Variants in BACE1 observed in about 807,000 individuals in gnomAD.
The protein encoded by BACE1 is APP beta-secretase.
A neutral mutation model predicts 54.0 loss-of-function variants in BACE1; 21 were observed. The observed-to-expected ratio is 0.39, with a 90% CI of 0.28 to 0.56. BACE1 has a LOEUF of 0.56. Ranked by LOEUF, BACE1 falls within the 20% of genes least tolerant of loss-of-function variation. The pLI, the probability that BACE1 is intolerant of heterozygous loss-of-function variation, is 0.63. For synonymous variants in BACE1, 232 were observed against 260.9 expected, an observed-to-expected ratio of 0.89 and a Z score of 1.07; for missense variants, 511 against 661.2, an observed-to-expected ratio of 0.77 and a Z score of 2.49.
intron 1 of BACE1, among the ~76,000 whole-genome samples, chr11:117,306,963 G>A (rs1013274272): frequency 1.3e-4 from 20 of 152,200 alleles, no homozygotes; most frequent in African/African-American, 4.6e-4. Flanking sequence ...GTTGGCATGG[G>A]AGGAGGCAGA....
Position 117,291,665 on chromosome 11 carries a change from C to T in BACE1, c.942+47G>A, listed in dbSNP as rs150090942. The T allele has an allele frequency of 4.1e-4, 573 of 1,393,710 alleles. 2 individuals carry two copies. In the African/African-American group the frequency reaches 7.3e-3, roughly 18 times the overall value. The allele number at this position is 1,393,710 out of a possible 1,614,324, so 86.3% of individuals were successfully genotyped here. ...GAAGAATGTGACTCTCACCGCCTCCCTCTGACACTGTACCATCTCTTTTAC... is the reference window on the plus strand; with the variant it reads ...GAAGAATGTGACTCTCACCGCCTCCTTCTGACACTGTACCATCTCTTTTAC... On this transcript the variant is annotated intron_variant, in intron 6 of 8. Coordinates refer to ENST00000313005, the MANE Select transcript of BACE1 (RefSeq NM_012104.6).
rs997611644 is a variant in BACE1, at chr11:117,291,759, T to G, written c.895A>C (p.Lys299Gln). Residue 299 changes from lysine (K) to glutamine (Q), a missense_variant, in exon 6 of 9, where the codon AAG becomes CAG. Lys to Gln is a moderately conservative substitution (Grantham distance 53). Transcript: ENST00000313005. ...DSGTTNLRLP[K>Q]KVFEAAVKSI... Reference sequence around the variant, plus strand: ...TTGACTGCAGCTTCAAACACTTTCTTGGGCAAACGAAGGTTGGTGGTGCCA... The same window carrying G: ...TTGACTGCAGCTTCAAACACTTTCTGGGGCAAACGAAGGTTGGTGGTGCCA... 3.7e-6 allele frequency: 6 copies of G among 1,613,662 alleles called. No individual in the cohort carries two copies. Among genetic ancestry groups the G allele is most frequent in the Non-Finnish European group, 5.1e-6 (6 of 1,179,686 alleles).
intron 1 of BACE1, among the ~76,000 whole-genome samples, chr11:117,311,537 C>A (rs530909930): frequency 6.6e-6 from 1 of 152,288 alleles, no homozygotes; most frequent in African/African-American, 2.4e-5. Context: ...CTTCCTTTCT[C>A]TTTCCATCTT....
At position 117,315,759 on chromosome 11, in the gene BACE1, C is replaced by A; in HGVS notation, c.37G>T (p.Gly13Cys). The stretch of plus-strand genomic sequence containing the variant: ...CCGTGGGCAGGCAGCACTCCCGCGC[C>A]CATCCACAGCAGGAGCCAGGGCAGG... ...QALPWLLLWM[G>C]AGVLPAHGTQ... The change falls in exon 1 of 9, where the codon GGC becomes TGC. Residue 13 changes from glycine to cysteine, a missense_variant. Physicochemically the swap from Gly to Cys is radical, Grantham distance 159 (BLOSUM62 -3). Transcript: ENST00000313005. This position sits in a 1 kb window ranked among gnomAD's most constrained non-coding sequence, Gnocchi z 5.5. 1 of 1,462,372 alleles carries A rather than the reference C, an allele frequency of 6.8e-7. No homozygotes were observed. Among genetic ancestry groups the A allele is most frequent in the Admixed American group, 2.8e-5 (1 of 36,190 alleles). The allele number at this position is 1,462,372 out of a possible 1,614,324, so 90.6% of individuals were successfully genotyped here.
chr11:117,293,031 A>G lies in BACE1; in HGVS notation c.840+23T>C. 1 of 1,612,334 alleles carries G rather than the reference A, an allele frequency of 6.2e-7. No individual in the cohort carries two copies. The highest frequency in any genetic ancestry group is 8.5e-7 in the Non-Finnish European group (1 of 1,179,134). On this transcript the variant is annotated intron_variant, in intron 5 of 8. Transcript: ENST00000313005. The surrounding 1 kb of genome is among the most constrained non-coding windows in gnomAD (Gnocchi z 4.1). The stretch of plus-strand genomic sequence containing the variant: ...GTACTGCCTACCCCCTTATGTTCCC[A>G]GGCTCTCCCTTGGTTTTCTTACCTC...
Position 117,293,226 on chromosome 11 carries a change from CAGA to C in BACE1, c.706-41_706-39del, listed in dbSNP as rs1565358312. 1 of 1,608,690 alleles carries C rather than the reference CAGA, an allele frequency of 6.2e-7. No individual in the cohort carries two copies. Among genetic ancestry groups the C allele is most frequent in the Non-Finnish European group, 8.5e-7 (1 of 1,177,670 alleles). ...AGAGGCAGGTACCCGTGTCCTGGCA[CAGA>C]AGGAGAGTGAGTCCCCCAAGGACCA... On this transcript the variant is annotated intron_variant, in intron 4 of 8. Coordinates refer to ENST00000313005, the MANE Select transcript of BACE1 (RefSeq NM_012104.6). This position sits in a 1 kb window ranked among gnomAD's most constrained non-coding sequence, Gnocchi z 4.1.
chr11:117,289,456 G>A lies in BACE1; in HGVS notation c.*110C>T, dbSNP rs939456229. 1 of 1,475,916 alleles carries A rather than the reference G, an allele frequency of 6.8e-7. No individual in the cohort carries two copies. Among genetic ancestry groups the A allele is most frequent in the African/African-American group, 1.4e-5 (1 of 71,252 alleles). 91.4% of individuals were successfully genotyped at this position (1,475,916 alleles called of 1,614,324 possible). On this transcript the variant is annotated 3_prime_UTR_variant, in exon 9 of 9. Coordinates refer to ENST00000313005, the MANE Select transcript of BACE1 (RefSeq NM_012104.6). Reference sequence around the variant, plus strand: ...GCAGAGGCATTTGGTGGGTGGGGAGGGTCCTGAGGTGCTCTGGCCACAGGT... The same window carrying A: ...GCAGAGGCATTTGGTGGGTGGGGAGAGTCCTGAGGTGCTCTGGCCACAGGT...
rs2035118484 is a variant in BACE1, at chr11:117,316,172, T to G, written c.-377A>C. The G allele has an allele frequency of 7.5e-6, 3 of 400,074 alleles. No homozygotes were observed. Among genetic ancestry groups the G allele is most frequent in the Non-Finnish European group, 1.3e-5 (3 of 227,046 alleles). 24.8% of individuals were successfully genotyped at this position (400,074 alleles called of 1,614,324 possible). ...GGCAGGGGCAAGGGCTCCGGGCTCC[T>G]GCGGCTGCGTTGGCTGCTCAGGCCA... On this transcript the variant is annotated 5_prime_UTR_variant, in exon 1 of 9. Coordinates refer to ENST00000313005, the MANE Select transcript of BACE1 (RefSeq NM_012104.6).
In BACE1 at chr11:117,293,074, G is replaced by C. The variant is rs978679563; in HGVS notation, c.820C>G (p.Leu274Val). 6.8e-6 allele frequency: 11 copies of C among 1,613,802 alleles called. No homozygotes were observed. In the African/African-American group the frequency reaches 1.3e-4, roughly 20 times the overall value. Residue 274 changes from leucine to valine, a missense_variant, in exon 5 of 9, where the codon CTG becomes GTG. Transcript: ENST00000313005. This position sits in a 1 kb window ranked among gnomAD's most constrained non-coding sequence, Gnocchi z 4.1. ...CTTACCTCCTTGCAGTCCATTTTCA[G>C]ATCCTGTCCATTGATCTCCACCCGC... ...IVRVEINGQDLKMDCKEYNYD... is the reference protein window; with the variant it reads ...IVRVEINGQDVKMDCKEYNYD...
Position 117,288,526 on chromosome 11 carries a change from G to A in BACE1, c.*1040C>T, listed in dbSNP as rs2034324570. On this transcript the variant is annotated 3_prime_UTR_variant, in exon 9 of 9. Coordinates refer to ENST00000313005, the MANE Select transcript of BACE1 (RefSeq NM_012104.6). ...TTCCTTTTAGCACCTTGGCTGCAAA[G>A]CTCCAGAGGAAGATTTGGGGGAAAG... is the stretch of plus-strand genomic sequence containing the variant. 6.6e-6 allele frequency: 1 copy of A among 152,660 alleles called. No homozygotes were observed. The highest frequency in any genetic ancestry group is 2.4e-5 in the African/African-American group (1 of 41,452). 9.5% of individuals were successfully genotyped at this position (152,660 alleles called of 1,614,324 possible).
intron 3 of BACE1, 63 bp from the exon 4 acceptor site, chr11:117,294,071 T>C (rs1316912881): frequency 5.8e-6 from 9 of 1,548,418 alleles, no homozygotes; most frequent in Non-Finnish European, 7.9e-6. Flanking sequence ...GCCAGCTTCC[T>C]GTCTAAACTG....
At chr11:117,299,591 C>T in intron 1 of BACE1, 1 of 351,730 alleles carries the variant, frequency 2.8e-6, no homozygotes, top group Admixed American at 3.9e-5. Context: ...CTCCCTCCTT[C>T]CCAGCCCCCC....
chr11:117,291,128 T>G, intron 6 of BACE1, 79 bp from the exon 7 acceptor site: 2 of 1,521,466 alleles, frequency 1.3e-6, no homozygotes, highest in South Asian at 2.5e-5. Flanking sequence ...ATACATTAAC[T>G]GGGCCCTTCA....
Position 117,289,379 on chromosome 11 carries a change from A to G in BACE1, c.*187T>C, listed in dbSNP as rs2034348246. 3.3e-6 allele frequency: 3 copies of G among 904,574 alleles called. No homozygotes were observed. The highest frequency in any genetic ancestry group is 4.8e-6 in the Non-Finnish European group (3 of 620,014). The allele number at this position is 904,574 out of a possible 1,614,324, so 56.0% of individuals were successfully genotyped here. ...TTCTTTCTTCTCTTTTCTGTTTCCT[A>G]CAGGTACAGTCCCTGGAACCCACCT... On this transcript the variant is annotated 3_prime_UTR_variant, in exon 9 of 9. Coordinates refer to ENST00000313005, the MANE Select transcript of BACE1 (RefSeq NM_012104.6).
At position 117,293,004 on chromosome 11, in the gene BACE1, T is replaced by C. The variant is rs771836778; in HGVS notation, c.840+50A>G. On this transcript the variant is annotated intron_variant, in intron 5 of 8. Transcript: ENST00000313005. The surrounding 1 kb of genome is among the most constrained non-coding windows in gnomAD (Gnocchi z 4.1). The stretch of plus-strand genomic sequence containing the variant: ...ATGATAACCAGAGTCTTCCTTCACA[T>C]TGTACTGCCTACCCCCTTATGTTCC... 11 of 1,598,416 alleles carry C rather than the reference T, an allele frequency of 6.9e-6. No homozygotes were observed. Among genetic ancestry groups the C allele is most frequent in the African/African-American group, 2.7e-5 (2 of 74,498 alleles).
At chr11:117,290,285 C>T (rs2034383526) in intron 8 of BACE1, among the ~76,000 whole-genome samples, 1 of 152,138 alleles carries the variant, frequency 6.6e-6, no homozygotes, top group Non-Finnish European at 1.5e-5. Context: ...ACAGAGGTTA[C>T]CAATCCAGGC....
At chr11:117,313,743 G>A (rs954042735) in intron 1 of BACE1, among the ~76,000 whole-genome samples, 10 of 152,158 alleles carry the variant, frequency 6.6e-5, no homozygotes, top group East Asian at 1.9e-4. Context: ...CATGTAAAAC[G>A]TGGAGGCCCA....
intron 1 of BACE1, among the ~76,000 whole-genome samples, chr11:117,303,347 G>A (rs1194972116): frequency 6.6e-6 from 1 of 152,176 alleles, no homozygotes; most frequent in Admixed American, 6.5e-5. Flanking sequence ...ACGTGTCCCT[G>A]GGGGCCTCAG....
Position 117,315,779 on chromosome 11 carries a change from G to A in BACE1, c.17C>T (p.Pro6Leu). 6.9e-7 allele frequency: 1 copy of A among 1,443,926 alleles called. No homozygotes were observed. 89.4% of individuals were successfully genotyped at this position (1,443,926 alleles called of 1,614,324 possible). MAQAL[P>L]WLLLWMGAGV... is the part of the protein sequence containing the mutation. ...CGCGCCCATCCACAGCAGGAGCCAG[G>A]GCAGGGCTTGGGCCATGGTGGGCCC... Residue 6 changes from proline (P) to leucine (L), a missense_variant, in exon 1 of 9, where the codon CCC (proline) becomes CTC (leucine). Coordinates refer to ENST00000313005, the MANE Select transcript of BACE1 (RefSeq NM_012104.6). This position sits in a 1 kb window ranked among gnomAD's most constrained non-coding sequence, Gnocchi z 5.5.
Sources: allele counts gnomAD v4.1 joint callset (sites outside exome capture counted in the v4.1 genomes callset), GRCh38; gene constraint gnomAD v4.1.1; non-coding constraint Gnocchi (gnomAD v3.1); transcripts MANE v1.5; gene names NCBI Gene and HGNC (gene_info 2026-07-23, HGNC 2026-07-21).